DLG2: variants seen among roughly 807,000 people sequenced by gnomAD.
DLG2 encodes discs large MAGUK scaffold protein 2.
DLG2 carries 45 observed loss-of-function variants against 132.5 expected under a neutral mutation model. That is an observed-to-expected ratio of 0.34 (90% CI 0.27 to 0.44). DLG2 has a LOEUF of 0.44. DLG2 is among the 20% of genes least tolerant of loss of function. The probability of loss-of-function intolerance (pLI) is 1.00; values close to 1 mark genes in which losing one functional copy is unlikely to be tolerated. For synonymous variants in DLG2, 424 were observed against 419.6 expected (o/e 1.01, Z -0.13); for missense variants, 1,045 against 1,196.9 (o/e 0.87, Z 1.87).
chr11:85,596,608 G>A (rs1460684785), intron 3 of DLG2, among the ~76,000 whole-genome samples: 1 of 152,052 alleles, frequency 6.6e-6, no homozygotes, highest in African/African-American at 2.4e-5. Context: ...CCAGAATAAT[G>A]GGTGAAACCA....
At chr11:84,015,440 G>A (rs1330660517) in intron 11 of DLG2, among the ~76,000 whole-genome samples, 1 of 152,040 alleles carries the variant, frequency 6.6e-6, no homozygotes, top group African/African-American at 2.4e-5. Flanking sequence ...CATAGGTAAC[G>A]GTGTGCCATG....
rs973625646 is a variant in DLG2, at chr11:85,347,019, A to T, written c.41-61654T>A. On this transcript the variant is annotated intron_variant, in intron 3 of 27. Coordinates refer to ENST00000376104, the MANE Select transcript of DLG2 (RefSeq NM_001142699.3). Reference sequence around the variant, plus strand: ...AGGTGGGACATAAAAGGAAAATGCAACCACACATAAAAAGGAATTTCAAAT... The same window carrying T: ...AGGTGGGACATAAAAGGAAAATGCATCCACACATAAAAAGGAATTTCAAAT... Among the ~76,000 whole-genome samples, 16 of 152,148 alleles carry T rather than the reference A, an allele frequency of 1.1e-4. 1 individual carries two copies. The highest frequency in any genetic ancestry group is 1.6e-4 in the Non-Finnish European group (11 of 68,042).
chr11:84,137,870 T>C (rs754828049), intron 9 of DLG2, among the ~76,000 whole-genome samples: 5 of 152,200 alleles, frequency 3.3e-5, no homozygotes, highest in Non-Finnish European at 7.3e-5. Context: ...ATGCCATTAC[T>C]CTTTCTTCCC....
intron 3 of DLG2, among the ~76,000 whole-genome samples, chr11:85,352,746 C>T (rs11821513): frequency 0.11 from 16,098 of 152,102 alleles, 1,007 homozygotes; most frequent in African/African-American, 0.16. Flanking sequence ...AAAGGATTCC[C>T]TATTTAATAA....
chr11:85,384,723 A>C (rs1263438105), intron 3 of DLG2, among the ~76,000 whole-genome samples: 1 of 152,088 alleles, frequency 6.6e-6, no homozygotes, highest in Non-Finnish European at 1.5e-5. Flanking sequence ...GCATGCCACC[A>C]TGCTGGGCTA....
intron 10 of DLG2, among the ~76,000 whole-genome samples, chr11:84,074,114 C>T (rs1419831959): frequency 1.3e-5 from 2 of 152,134 alleles, no homozygotes; most frequent in African/African-American, 2.4e-5. Flanking sequence ...AAATGAGATA[C>T]TTGTATTACT....
intron 3 of DLG2, among the ~76,000 whole-genome samples, chr11:85,357,463 A>T (rs2083796410): frequency 1.3e-5 from 2 of 149,336 alleles, no homozygotes; most frequent in Non-Finnish European, 3.0e-5. Flanking sequence ...AAGTGCTGGG[A>T]TTACAGGCGT....
At chr11:83,484,886 A>AAAAG (rs1434054514) in intron 21 of DLG2, among the ~76,000 whole-genome samples, 2 of 152,146 alleles carry the variant, frequency 1.3e-5, no homozygotes, top group Admixed American at 6.6e-5. Context: ...ATTTTTATTC[A>AAAAG]AAAGAGATTT....
At chr11:84,315,343 G>A (rs2098342591) in intron 7 of DLG2, among the ~76,000 whole-genome samples, 1 of 152,120 alleles carries the variant, frequency 6.6e-6, no homozygotes, top group African/African-American at 2.4e-5. Context: ...GAAATAAAAA[G>A]TATGTTACAT....
chr11:84,606,518 C>A (rs2099585959), intron 6 of DLG2, among the ~76,000 whole-genome samples: 1 of 152,050 alleles, frequency 6.6e-6, no homozygotes, highest in Non-Finnish European at 1.5e-5. Flanking sequence ...CTTTAAATAG[C>A]TTTATTTCCA....
intron 7 of DLG2, among the ~76,000 whole-genome samples, chr11:84,487,789 G>C (rs953761464): frequency 6.6e-6 from 1 of 152,050 alleles, no homozygotes; most frequent in Non-Finnish European, 1.5e-5. Flanking sequence ...CTTCACCAAG[G>C]AAGTACCACT....
In DLG2 at chr11:84,305,472, T is replaced by A. The variant is rs1334999168; in HGVS notation, c.520-54181A>T. Among the ~76,000 whole-genome samples, 5 of 152,176 alleles carry A rather than the reference T, an allele frequency of 3.3e-5. No individual in the cohort carries two copies. In the East Asian group the frequency reaches 9.6e-4, roughly 29 times the overall value. On this transcript the variant is annotated intron_variant, in intron 7 of 27. Transcript: ENST00000376104. The stretch of plus-strand genomic sequence containing the variant: ...CTTTAGTAGCTGAAATACAGATAAT[T>A]TAACAAGGAAAATTGCAGATGGTAG...
intron 6 of DLG2, among the ~76,000 whole-genome samples, chr11:84,782,451 CA>C: frequency 6.6e-6 from 1 of 151,400 alleles, no homozygotes; most frequent in African/African-American, 2.4e-5. Context: ...CACACACACA[CA>C]CACACACACA....
chr11:84,645,326 T>C (rs185414558), intron 6 of DLG2, among the ~76,000 whole-genome samples: 1 of 152,274 alleles, frequency 6.6e-6, no homozygotes, highest in Admixed American at 6.5e-5. Context: ...ATATCTGATA[T>C]ATAAAGGGGC....
Position 85,416,032 on chromosome 11 carries a change from T to C in DLG2, c.41-130667A>G, listed in dbSNP as rs1267398922. Among the ~76,000 whole-genome samples, 8 of 152,342 alleles carry C rather than the reference T, an allele frequency of 5.3e-5. No homozygotes were observed. The South Asian group carries it at 1.7e-3, about 32-fold the overall frequency. ...CTTACATTTAAGTCTTTAATCCATC[T>C]TAAGTTTATTTTTGTAAAAGGTGTA... On this transcript the variant is annotated intron_variant, in intron 3 of 27. Coordinates refer to ENST00000376104, the MANE Select transcript of DLG2 (RefSeq NM_001142699.3).
chr11:84,929,451 G>A (rs1350906239), intron 6 of DLG2, among the ~76,000 whole-genome samples: 1 of 151,868 alleles, frequency 6.6e-6, no homozygotes, highest in Non-Finnish European at 1.5e-5. Flanking sequence ...TACTTCAATG[G>A]CAATACTCAG....
chr11:83,524,276 C>T (rs2095553198), intron 21 of DLG2, among the ~76,000 whole-genome samples: 2 of 152,142 alleles, frequency 1.3e-5, no homozygotes, highest in South Asian at 4.1e-4. Flanking sequence ...TAGTAGCATG[C>T]CTAACAAAAT....
At chr11:84,675,069 A>G (rs1565629411) in intron 6 of DLG2, among the ~76,000 whole-genome samples, 1 of 152,068 alleles carries the variant, frequency 6.6e-6, no homozygotes, top group Non-Finnish European at 1.5e-5. Context: ...CTTTATTTGC[A>G]TCAAGTTGCA....
intron 6 of DLG2, among the ~76,000 whole-genome samples, chr11:85,069,049 G>A (rs1466052677): frequency 6.6e-6 from 1 of 151,728 alleles, no homozygotes; most frequent in Admixed American, 6.6e-5. Flanking sequence ...CAAGAAATGG[G>A]GAAAGGATTC....
Sources: gnomAD v4.1 joint callset for allele counts (sites outside exome capture counted in the v4.1 genomes callset) on GRCh38, gnomAD v4.1.1 for gene constraint, MANE v1.5 for transcripts, NCBI Gene and HGNC (gene_info 2026-07-23, HGNC 2026-07-21) for gene names.